Variants in LTBP1 observed in about 807,000 individuals in gnomAD.
LTBP1 encodes latent-transforming growth factor beta-binding protein 1.
LTBP1 carries 129 observed loss-of-function variants against 207.6 expected under a neutral mutation model. That is an observed-to-expected ratio of 0.62 (90% confidence interval 0.54 to 0.72). LTBP1 has a LOEUF of 0.72. Among genes scored for constraint, LTBP1 ranks in the 30% least tolerant of loss-of-function variants. LTBP1 has a pLI of 0.00. For missense variants in LTBP1, 2,281 were observed against 2,217.2 expected, an observed-to-expected ratio of 1.03 and a Z score of -0.58; for synonymous variants, 963 against 833.7, an observed-to-expected ratio of 1.16 and a Z score of -2.67.
intron 3 of LTBP1, among the ~76,000 whole-genome samples, chr2:33,070,005 A>G (rs1238722184): frequency 6.6e-6 from 1 of 152,144 alleles, no homozygotes; most frequent in African/African-American, 2.4e-5. Flanking sequence ...TAAACTTCTT[A>G]CAGTGAAAGC....
chr2:33,382,862 G>C (rs1020580869), intron 31 of LTBP1, among the ~76,000 whole-genome samples: 3 of 152,172 alleles, frequency 2.0e-5, no homozygotes, highest in African/African-American at 7.2e-5. Context: ...GTTGCTGCCT[G>C]TTCACCAGAG....
chr2:32,998,215 T>C (rs1388251176), intron 2 of LTBP1, among the ~76,000 whole-genome samples: 1 of 152,042 alleles, frequency 6.6e-6, no homozygotes, highest in Admixed American at 6.6e-5. Context: ...TGTACACTAA[T>C]ATTTAAAAAC....
chr2:33,262,924 T>C, intron 14 of LTBP1, 103 bp downstream of exon 14: 1 of 688,264 alleles, frequency 1.5e-6, no homozygotes, highest in Non-Finnish European at 2.5e-6. Context: ...CTAGACTTCA[T>C]AACTGAAGTT....
At chr2:33,241,640 A>C (rs540091042) in intron 9 of LTBP1, among the ~76,000 whole-genome samples, 1 of 152,342 alleles carries the variant, frequency 6.6e-6, no homozygotes, top group South Asian at 2.1e-4. Flanking sequence ...AATACAGGCC[A>C]TTCAGGGGAA....
At chr2:33,022,897 T>C (rs935528035) in intron 3 of LTBP1, among the ~76,000 whole-genome samples, 7 of 152,220 alleles carry the variant, frequency 4.6e-5, no homozygotes, top group African/African-American at 1.4e-4. Flanking sequence ...ATTATTCTTT[T>C]TTAAATTTTT....
At chr2:33,114,311 A>G (rs1050434130) in intron 4 of LTBP1, among the ~76,000 whole-genome samples, 1 of 152,240 alleles carries the variant, frequency 6.6e-6, no homozygotes. Flanking sequence ...TCTTAGGTAG[A>G]TATTTATATA....
chr2:33,252,628 T>C (rs2092714898), intron 10 of LTBP1, 49 bp from the exon 11 acceptor site: 5 of 1,524,008 alleles, frequency 3.3e-6, no homozygotes, highest in Non-Finnish European at 4.5e-6. Context: ...GGAAAGCCAA[T>C]GTAGTTTTGG....
At chr2:33,096,248 C>G (rs1039214347) in intron 3 of LTBP1, among the ~76,000 whole-genome samples, 1 of 152,058 alleles carries the variant, frequency 6.6e-6, no homozygotes, top group Non-Finnish European at 1.5e-5. Context: ...AGAAAATAAA[C>G]TATCTATACT....
chr2:33,240,050 G>T (rs559598652), intron 9 of LTBP1, among the ~76,000 whole-genome samples: 1 of 152,258 alleles, frequency 6.6e-6, no homozygotes, highest in South Asian at 2.1e-4. Flanking sequence ...AAAGAAAGAA[G>T]ATAGCTTTAG....
intron 20 of LTBP1, among the ~76,000 whole-genome samples, chr2:33,297,958 C>G (rs2093913088): frequency 6.6e-6 from 1 of 152,116 alleles, no homozygotes; most frequent in South Asian, 2.1e-4. Flanking sequence ...CACTCTGGAT[C>G]CATCTGATGT....
chr2:33,002,148 T>C (rs1226969382), intron 2 of LTBP1, among the ~76,000 whole-genome samples: 1 of 81,552 alleles, frequency 1.2e-5, no homozygotes, highest in Non-Finnish European at 2.8e-5. Context: ...ACTATAATTA[T>C]TGTTATATTA....
chr2:33,016,241 C>A (rs902304073), intron 2 of LTBP1, among the ~76,000 whole-genome samples: 10 of 152,014 alleles, frequency 6.6e-5, no homozygotes, highest in African/African-American at 2.4e-4. Flanking sequence ...AGGGGTAGAC[C>A]AGTGAGAAGT....
intron 5 of LTBP1, among the ~76,000 whole-genome samples, chr2:33,176,191 GAAATA>G (rs1282225084): frequency 1.3e-5 from 2 of 150,962 alleles, no homozygotes; most frequent in Non-Finnish European, 3.0e-5. Flanking sequence ...TAAATAAAAA[GAAATA>G]AAATCCAATT....
chr2:33,128,274 G>A (rs974444880), intron 4 of LTBP1, among the ~76,000 whole-genome samples: 1 of 152,242 alleles, frequency 6.6e-6, no homozygotes, highest in African/African-American at 2.4e-5. Context: ...AAACCTAACT[G>A]TGTTCCAAAA....
At chr2:33,022,605 C>T (rs1358442755) in intron 3 of LTBP1, among the ~76,000 whole-genome samples, 2 of 152,110 alleles carry the variant, frequency 1.3e-5, no homozygotes, top group Non-Finnish European at 2.9e-5. Context: ...TTCAAGGTCC[C>T]ACAGTTACTA....
intron 13 of LTBP1, 66 bp downstream of exon 13, chr2:33,259,676 G>A: frequency 2.0e-6 from 3 of 1,467,498 alleles, no homozygotes; most frequent in South Asian, 2.5e-5. Flanking sequence ...ATTAGAATAT[G>A]TATGGATTTT....
intron 17 of LTBP1, 23 bp from the exon 18 acceptor site, chr2:33,275,778 A>G (rs2093413617): frequency 1.2e-6 from 2 of 1,613,730 alleles, no homozygotes; most frequent in Non-Finnish European, 1.7e-6. Flanking sequence ...ACAAAACTCA[A>G]CAATGCTATC....
chr2:33,221,585 G>T (rs1046850768), intron 8 of LTBP1, among the ~76,000 whole-genome samples: 1 of 152,154 alleles, frequency 6.6e-6, no homozygotes, highest in Non-Finnish European at 1.5e-5. Flanking sequence ...TCTCATGACT[G>T]GGATACCCGA....
At chr2:33,380,847 A>T (rs2095205725) in intron 31 of LTBP1, among the ~76,000 whole-genome samples, 1 of 152,190 alleles carries the variant, frequency 6.6e-6, no homozygotes, top group Admixed American at 6.5e-5. Context: ...CTTTATTCTT[A>T]AGCACATGCT....
Sources: gnomAD v4.1 joint callset for allele counts (sites outside exome capture counted in the v4.1 genomes callset) on GRCh38, gnomAD v4.1.1 for gene constraint, MANE v1.5 for transcripts, NCBI Gene and HGNC (gene_info 2026-07-23, HGNC 2026-07-21) for gene names.